DDX10: variants seen among roughly 807,000 people sequenced by gnomAD.
DDX10 encodes the protein DEAD-box helicase 10, also known as probable ATP-dependent RNA helicase DDX10.
Under a neutral mutation model 104.3 loss-of-function variants are expected in DDX10, and 74 were observed. The observed-to-expected ratio is 0.71, with a 90% CI of 0.59 to 0.86. The LOEUF (loss-of-function observed/expected upper bound fraction) is 0.86, where lower values mean the gene tolerates loss of function less well. Ranked by LOEUF, DDX10 falls within the 40% of genes least tolerant of loss-of-function variation. The pLI, the probability that DDX10 is intolerant of heterozygous loss-of-function variation, is 0.00. For missense variants in DDX10, 952 were observed against 1,040.0 expected, an observed-to-expected ratio of 0.92 and a Z score of 1.16; for synonymous variants, 351 against 353.4, an observed-to-expected ratio of 0.99 and a Z score of 0.08.
intron 15 of DDX10, among the ~76,000 whole-genome samples, chr11:108,846,856 A>AT (rs200241704): frequency 0.011 from 1,669 of 152,262 alleles, 28 homozygotes; most frequent in Middle Eastern, 0.014. Flanking sequence ...ACCAGACCAT[A>AT]TAGTTTAATG....
intron 13 of DDX10, among the ~76,000 whole-genome samples, chr11:108,802,628 CTG>C (rs1258775147): frequency 2.6e-5 from 4 of 152,108 alleles, no homozygotes; most frequent in Non-Finnish European, 5.9e-5. Flanking sequence ...TTCTCTGAGA[CTG>C]TGTTATCTAA....
intron 13 of DDX10, among the ~76,000 whole-genome samples, chr11:108,809,109 T>G (rs1054166601): frequency 6.6e-6 from 1 of 152,168 alleles, no homozygotes; most frequent in African/African-American, 2.4e-5. Context: ...TTGGTTGATC[T>G]ATTAAAACAA....
chr11:108,900,278 T>C (rs777323114), intron 16 of DDX10, among the ~76,000 whole-genome samples: 32 of 152,190 alleles, frequency 2.1e-4, no homozygotes, highest in Non-Finnish European at 4.0e-4. Context: ...TTAAACCTCT[T>C]TTCTTATAAA....
At chr11:108,940,147 A>G in intron 17 of DDX10, 99 bp from the exon 18 acceptor site, 1 of 1,282,122 alleles carries the variant, frequency 7.8e-7, no homozygotes, top group Non-Finnish European at 1.1e-6. Context: ...TTCATTCTTG[A>G]ATAATATCAC....
intron 16 of DDX10, among the ~76,000 whole-genome samples, chr11:108,896,073 T>TTG (rs1863436622): frequency 6.6e-6 from 1 of 152,162 alleles, no homozygotes; most frequent in African/African-American, 2.4e-5. Context: ...TGCAAATTAA[T>TTG]TGAAAGTGAC....
rs556280150 is a variant in DDX10 at position 108,705,339 on chromosome 11, G to A, written c.1224-1400G>A. ...TGGTTTAGTCCAATACTGCCTAGGG[G>A]GACAGCTTTAAACTTGTATTTCTTT... On this transcript the variant is annotated intron_variant, in intron 9 of 17. Coordinates refer to ENST00000322536, the MANE Select transcript of DDX10 (RefSeq NM_004398.4). Among the ~76,000 whole-genome samples, 5 of 152,222 alleles carry A rather than the reference G, an allele frequency of 3.3e-5. No individual in the cohort carries two copies. The South Asian group carries it at 8.3e-4, about 25-fold the overall frequency.
chr11:108,729,352 G>A (rs2094309154), intron 13 of DDX10, among the ~76,000 whole-genome samples: 1 of 152,056 alleles, frequency 6.6e-6, no homozygotes, highest in Admixed American at 6.5e-5. Flanking sequence ...GCACATCACA[G>A]CTTGCTCCTG....
At chr11:108,792,701 C>CT (rs1027540332) in intron 13 of DDX10, among the ~76,000 whole-genome samples, 8 of 151,840 alleles carry the variant, frequency 5.3e-5, no homozygotes, top group African/African-American at 1.7e-4. Context: ...AACTTTTGGT[C>CT]TTTTTTTCAA....
At chr11:108,845,155 C>T (rs1339793360) in intron 15 of DDX10, among the ~76,000 whole-genome samples, 1 of 152,120 alleles carries the variant, frequency 6.6e-6, no homozygotes, top group East Asian at 1.9e-4. Context: ...TTGCAGTGAG[C>T]CGAGATCGCG....
chr11:108,691,649 A>G (rs1488100345), intron 7 of DDX10, among the ~76,000 whole-genome samples: 2 of 152,346 alleles, frequency 1.3e-5, no homozygotes, highest in African/African-American at 2.4e-5. Flanking sequence ...TCAAGCTTCA[A>G]ACTTAAGATG....
chr11:108,817,271 A>T (rs1052012850), intron 13 of DDX10, among the ~76,000 whole-genome samples: 1 of 152,098 alleles, frequency 6.6e-6, no homozygotes, highest in Non-Finnish European at 1.5e-5. Flanking sequence ...TTCTTGTGTG[A>T]CTTTTTCTCT....
chr11:108,840,674 G>T (rs892636950), intron 14 of DDX10, among the ~76,000 whole-genome samples: 5 of 152,162 alleles, frequency 3.3e-5, no homozygotes, highest in Non-Finnish European at 7.4e-5. Context: ...GAGCAAGCCT[G>T]TGAAACCCAA....
At chr11:108,688,790 T>C (rs570261370) in intron 6 of DDX10, 146 bp from the exon 7 acceptor site, 2 of 714,864 alleles carry the variant, frequency 2.8e-6, no homozygotes, top group African/African-American at 3.6e-5. Flanking sequence ...TAAGGGACAA[T>C]AGAGAAAAAT....
At chr11:108,835,241 G>A (rs1335082613) in intron 13 of DDX10, among the ~76,000 whole-genome samples, 1 of 152,140 alleles carries the variant, frequency 6.6e-6, no homozygotes, top group African/African-American at 2.4e-5. Context: ...AAGGAAATGA[G>A]GATTATAGTA....
At chr11:108,698,124 G>A (rs2094262465) in intron 9 of DDX10, among the ~76,000 whole-genome samples, 1 of 152,190 alleles carries the variant, frequency 6.6e-6, no homozygotes, top group African/African-American at 2.4e-5. Flanking sequence ...TTAGAAAAGA[G>A]GAAGATGGCC....
chr11:108,782,355 G>T (rs1861717515), intron 13 of DDX10, among the ~76,000 whole-genome samples: 1 of 152,042 alleles, frequency 6.6e-6, no homozygotes, highest in Non-Finnish European at 1.5e-5. Context: ...ATATCTCTGG[G>T]TATGGTTAGA....
intron 17 of DDX10, among the ~76,000 whole-genome samples, chr11:108,927,059 A>G (rs190826842): frequency 7.9e-5 from 12 of 152,302 alleles, no homozygotes; most frequent in Admixed American, 7.2e-4. Flanking sequence ...GTTTAAGGGC[A>G]TATTCACTGT....
chr11:108,905,755 A>G (rs1863587982), intron 16 of DDX10, among the ~76,000 whole-genome samples: 2 of 152,302 alleles, frequency 1.3e-5, no homozygotes, highest in Middle Eastern at 3.4e-3. Context: ...CTATAAAAAA[A>G]TACCTGAGAC....
chr11:108,920,250 CATCTT>C (rs1414349589), intron 17 of DDX10: 2 of 152,148 alleles, frequency 1.3e-5, no homozygotes, highest in African/African-American at 4.8e-5. Flanking sequence ...GATGACAAAG[CATCTT>C]AACTTAAAGA....
Sources: allele counts gnomAD v4.1 joint callset (sites outside exome capture counted in the v4.1 genomes callset), GRCh38; gene constraint gnomAD v4.1.1; transcripts MANE v1.5; gene names NCBI Gene and HGNC (gene_info 2026-07-23, HGNC 2026-07-21).